RBFOX1: variants seen among roughly 807,000 people sequenced by gnomAD.
RBFOX1 encodes the protein RNA binding protein fox-1 homolog 1.
RBFOX1 carries 8 observed loss-of-function variants against 57.7 expected under a neutral mutation model. The ratio of observed to expected loss-of-function variants is 0.14; its 90% CI spans 0.08 to 0.25. The LOEUF (loss-of-function observed/expected upper bound fraction) is 0.25. Ranked by LOEUF, RBFOX1 falls within the 10% of genes least tolerant of loss-of-function variation. The pLI, the probability that RBFOX1 is intolerant of heterozygous loss-of-function variation, is 1.00. For synonymous variants in RBFOX1, 326 were observed against 222.4 expected, an observed-to-expected ratio of 1.47 and a Z score of -4.15; for missense variants, 611 against 548.5, an observed-to-expected ratio of 1.11 and a Z score of -1.14.
At chr16:5,948,477 A>C (rs55801893) in intron 4 of RBFOX1, among the ~76,000 whole-genome samples, 25,031 of 152,168 alleles carry the variant, frequency 0.16, 2,235 homozygotes, top group Middle Eastern at 0.3. Flanking sequence ...ATTTGGAAAT[A>C]AGGCCTTTGA....
At chr16:7,347,590 A>T (rs748187076) in intron 4 of RBFOX1, among the ~76,000 whole-genome samples, 1 of 152,114 alleles carries the variant, frequency 6.6e-6, no homozygotes, top group Non-Finnish European at 1.5e-5. Flanking sequence ...ATCGAGCATT[A>T]TCCAGAATTA....
Position 7,653,947 on chromosome 16 carries a change from G to A in RBFOX1, c.890G>A (p.Gly297Asp). 1 of 1,514,558 alleles carries A rather than the reference G, an allele frequency of 6.6e-7. No homozygotes were observed. Among genetic ancestry groups the A allele is most frequent in the Non-Finnish European group, 8.8e-7 (1 of 1,138,964 alleles). 93.8% of individuals were successfully genotyped at this position (1,514,558 alleles called of 1,614,324 possible). Reference protein sequence around the residue: ...APPPPIPAYGGVVYQDGFYGA... With the variant: ...APPPPIPAYGDVVYQDGFYGA... ...CCGCCCCCGATCCCGGCCTACGGCG[G>A]GTAAGTGGGGCAGCCTCCTGGGTGG... is the stretch of plus-strand genomic sequence containing the variant. Residue 297 changes from glycine to aspartate, a missense_variant and splice_region_variant, in exon 12 of 16, where the codon GGT (glycine) becomes GAT (aspartate). This residue lies in a region of RBFOX1 where 267 missense variants were observed against 229.1 expected (regional missense o/e 1.17). Coordinates refer to ENST00000550418, the MANE Select transcript of RBFOX1 (RefSeq NM_018723.4).
In RBFOX1 at chr16:5,626,072, G is replaced by T. The variant is rs574841131; in HGVS notation, c.318+27111G>T. Among the ~76,000 whole-genome samples, 472 of 152,094 alleles carry T rather than the reference G, an allele frequency of 3.1e-3. 1 individual carries two copies. The highest frequency in any genetic ancestry group is 6.5e-3 in the Admixed American group (100 of 15,276). On this transcript the variant is annotated intron_variant, in intron 3 of 19. Transcript: ENST00000641259. ...TGTATTTTCTTTTTAGTACAGACGGGTTTCTCCATGTTGGTCAGGCTGGTC... is the reference window on the plus strand; with the variant it reads ...TGTATTTTCTTTTTAGTACAGACGGTTTTCTCCATGTTGGTCAGGCTGGTC...
At chr16:5,757,717 G>T (rs761759195) in intron 3 of RBFOX1, among the ~76,000 whole-genome samples, 3 of 152,206 alleles carry the variant, frequency 2.0e-5, no homozygotes, top group Non-Finnish European at 2.9e-5. Flanking sequence ...GTGCTATGAA[G>T]TTGGTCCTCA....
intron 3 of RBFOX1, among the ~76,000 whole-genome samples, chr16:6,699,150 C>G (rs958933576): frequency 2.2e-4 from 33 of 152,172 alleles, no homozygotes; most frequent in Non-Finnish European, 4.1e-4. Context: ...AAGTGCCACC[C>G]AGGCACCCCT....
chr16:7,074,530 G>A lies in RBFOX1; in HGVS notation c.27+22432G>A, dbSNP rs543719401. Among the ~76,000 whole-genome samples the A allele has an allele frequency of 1.6e-4, 24 of 152,146 alleles. No individual in the cohort carries two copies. The East Asian group carries it at 2.5e-3, about 16-fold the overall frequency. ...CAGTGAAGAATAGAACTAAGGAACAGGAAGAAGAAAAATATTGAAAAAAAT... is the reference window on the plus strand; with the variant it reads ...CAGTGAAGAATAGAACTAAGGAACAAGAAGAAGAAAAATATTGAAAAAAAT... On this transcript the variant is annotated intron_variant, in intron 4 of 15. Coordinates refer to ENST00000550418, the MANE Select transcript of RBFOX1 (RefSeq NM_018723.4).
intron 3 of RBFOX1, among the ~76,000 whole-genome samples, chr16:7,031,982 C>G (rs926905975): frequency 1.3e-5 from 2 of 152,166 alleles, no homozygotes; most frequent in South Asian, 2.1e-4. Context: ...GCATTTGTTA[C>G]TGAAGTTAGT....
chr16:6,140,211 G>T (rs2096705020), intron 1 of RBFOX1, among the ~76,000 whole-genome samples: 1 of 144,906 alleles, frequency 6.9e-6, no homozygotes. Flanking sequence ...TTTCTTTTGA[G>T]ACGGAGTTTC....
At chr16:6,492,697 C>G (rs899246080) in intron 2 of RBFOX1, among the ~76,000 whole-genome samples, 1 of 152,166 alleles carries the variant, frequency 6.6e-6, no homozygotes, top group Non-Finnish European at 1.5e-5. Context: ...GCATTGTGAA[C>G]AGTCAGAAGG....
intron 4 of RBFOX1, among the ~76,000 whole-genome samples, chr16:7,341,512 A>G (rs758624183): frequency 3.3e-5 from 5 of 152,106 alleles, no homozygotes; most frequent in Non-Finnish European, 7.3e-5. Flanking sequence ...GTTAAGCACA[A>G]CTGTTTGAAG....
At chr16:6,045,509 G>GCATTCATTCATTCATTTGTT (rs1555486593) in intron 1 of RBFOX1, among the ~76,000 whole-genome samples, 2 of 152,162 alleles carry the variant, frequency 1.3e-5, no homozygotes, top group Non-Finnish European at 2.9e-5. Context: ...ATTCATTCAT[G>GCATTCATTCATTCATTTGTT]CATTCATTCA....
chr16:7,522,299 T>C (rs1425245917), intron 5 of RBFOX1, among the ~76,000 whole-genome samples: 16 of 152,110 alleles, frequency 1.1e-4, no homozygotes, highest in Admixed American at 9.8e-4. Context: ...GGACAGAACA[T>C]TGGAGAGCTC....
intron 4 of RBFOX1, among the ~76,000 whole-genome samples, chr16:7,155,863 AGTG>A (rs1337096492): frequency 6.6e-6 from 1 of 151,552 alleles, no homozygotes; most frequent in Admixed American, 6.6e-5. Context: ...AACCATATGT[AGTG>A]GTCATAAAAT....
chr16:7,487,278 C>T (rs932814363), intron 4 of RBFOX1, among the ~76,000 whole-genome samples: 1 of 152,150 alleles, frequency 6.6e-6, no homozygotes, highest in Admixed American at 6.5e-5. Flanking sequence ...ATACTCCTTC[C>T]TCAACTACTT....
At chr16:5,301,135 G>T (rs1169256682) in intron 1 of RBFOX1, among the ~76,000 whole-genome samples, 1 of 152,168 alleles carries the variant, frequency 6.6e-6, no homozygotes, top group East Asian at 1.9e-4. Flanking sequence ...TTCGAGACCA[G>T]TTTACAGAAA....
intron 4 of RBFOX1, among the ~76,000 whole-genome samples, chr16:5,915,075 G>A (rs866576724): frequency 6.6e-6 from 1 of 152,162 alleles, no homozygotes; most frequent in East Asian, 1.9e-4. Context: ...TTACACAGGG[G>A]TAGAACACCA....
chr16:6,344,408 T>TTTTTTTTTC (rs2085035816), intron 2 of RBFOX1, among the ~76,000 whole-genome samples: 1 of 41,942 alleles, frequency 2.4e-5, no homozygotes, highest in Non-Finnish European at 4.4e-5. Flanking sequence ...CTTTTTTTTC[T>TTTTTTTTTC]TTTTTTTTTT....
At chr16:6,944,216 G>A (rs1396797208) in intron 3 of RBFOX1, among the ~76,000 whole-genome samples, 5 of 151,814 alleles carry the variant, frequency 3.3e-5, no homozygotes, top group African/African-American at 1.2e-4. Context: ...CCAACACAGT[G>A]AAACCCTTTC....
At chr16:6,989,859 G>A (rs1293859712) in intron 3 of RBFOX1, among the ~76,000 whole-genome samples, 1 of 151,924 alleles carries the variant, frequency 6.6e-6, no homozygotes, top group Non-Finnish European at 1.5e-5. Flanking sequence ...CATTAGCCAG[G>A]CCTGGTGATG....
Sources: allele counts gnomAD v4.1 joint callset (sites outside exome capture counted in the v4.1 genomes callset), GRCh38; gene constraint gnomAD v4.1.1; regional missense constraint gnomAD v4.1.1; transcripts MANE v1.5; gene names NCBI Gene and HGNC (gene_info 2026-07-23, HGNC 2026-07-21).